Variants in ATP2B1 observed in about 807,000 individuals in gnomAD.
The protein encoded by ATP2B1 is ATPase plasma membrane Ca2+ transporting 1.
Under a neutral mutation model 124.2 loss-of-function variants are expected in ATP2B1, and 14 were observed. That is an observed-to-expected ratio of 0.11 (90% CI 0.07 to 0.18). ATP2B1 has a LOEUF of 0.18. Ranked by LOEUF, ATP2B1 falls within the 10% of genes least tolerant of loss-of-function variation. The pLI is 1.00. For synonymous variants in ATP2B1, 449 were observed against 492.4 expected, an observed-to-expected ratio of 0.91 and a Z score of 1.17; for missense variants, 763 against 1,466.1, an observed-to-expected ratio of 0.52 and a Z score of 7.83.
intron 1 of ATP2B1, among the ~76,000 whole-genome samples, chr12:89,707,252 C>A (rs1256359494): frequency 2.6e-5 from 4 of 152,170 alleles, no homozygotes; most frequent in African/African-American, 9.7e-5. Flanking sequence ...GGGCCACCAT[C>A]CAAAGGGTTA....
At chr12:89,686,441 C>T (rs1259606546) in intron 1 of ATP2B1, among the ~76,000 whole-genome samples, 1 of 152,118 alleles carries the variant, frequency 6.6e-6, no homozygotes, top group East Asian at 1.9e-4. Flanking sequence ...TTTGCGTACA[C>T]TCACTTTTAT....
chr12:89,610,869 C>A (rs1490307212), intron 13 of ATP2B1, among the ~76,000 whole-genome samples: 1 of 152,074 alleles, frequency 6.6e-6, no homozygotes, highest in Non-Finnish European at 1.5e-5. Flanking sequence ...GTTTGGGGCC[C>A]CCTAAAATAT....
intron 19 of ATP2B1, among the ~76,000 whole-genome samples, chr12:89,600,648 A>AT (rs397850977): frequency 0.013 from 1,851 of 139,984 alleles, 31 homozygotes; most frequent in African/African-American, 0.042. Flanking sequence ...ATGACAATGT[A>AT]TTTTTTTTTT....
intron 1 of ATP2B1, among the ~76,000 whole-genome samples, chr12:89,674,770 T>C (rs1161253473): frequency 6.6e-6 from 1 of 152,198 alleles, no homozygotes; most frequent in African/African-American, 2.4e-5. Flanking sequence ...ACCCAGTCAG[T>C]GTGGTTTGCT....
intron 9 of ATP2B1, among the ~76,000 whole-genome samples, chr12:89,623,845 C>T: frequency 6.6e-6 from 1 of 152,068 alleles, no homozygotes; most frequent in South Asian, 2.1e-4. Context: ...AAACATTAGC[C>T]TAACACGCTC....
intron 1 of ATP2B1, among the ~76,000 whole-genome samples, chr12:89,698,272 C>G (rs182612823): frequency 6.6e-6 from 1 of 152,274 alleles, no homozygotes; most frequent in East Asian, 1.9e-4. Flanking sequence ...GGCGAACGGA[C>G]AAATTGTGGT....
intron 2 of ATP2B1, among the ~76,000 whole-genome samples, chr12:89,654,384 C>T (rs1206598926): frequency 2.0e-5 from 3 of 152,126 alleles, no homozygotes; most frequent in Non-Finnish European, 4.4e-5. Context: ...CCAACTACAT[C>T]AAAATGGTGT....
At chr12:89,697,950 A>T (rs911569628) in intron 1 of ATP2B1, among the ~76,000 whole-genome samples, 1 of 152,012 alleles carries the variant, frequency 6.6e-6, no homozygotes, top group Non-Finnish European at 1.5e-5. Context: ...ATCTCAGCTC[A>T]CTACCTCCGC....
chr12:89,676,755 A>C (rs1433714662), intron 1 of ATP2B1, among the ~76,000 whole-genome samples: 1 of 152,140 alleles, frequency 6.6e-6, no homozygotes, highest in African/African-American at 2.4e-5. Flanking sequence ...TATTCATTTT[A>C]TAGCTGTGCC....
chr12:89,654,620 C>T, intron 2 of ATP2B1, among the ~76,000 whole-genome samples: 1 of 152,030 alleles, frequency 6.6e-6, no homozygotes, highest in East Asian at 1.9e-4. Flanking sequence ...ATTAACAATT[C>T]ACAATGAATT....
chr12:89,624,330 A>C lies in ATP2B1; in HGVS notation c.1197T>G (p.Val399=). 6.2e-7 allele frequency: 1 copy of C among 1,614,186 alleles called. No individual in the cohort carries two copies. Among genetic ancestry groups the C allele is most frequent in the Non-Finnish European group, 8.5e-7 (1 of 1,180,006 alleles). ...VLYFVIDTFW[V]QKRPWLAECT... ...ACTCAGCAAGCCATGGTCTTTTCTG[A>C]ACCCAGAAGGTGTCAATGACAAAAT... The change falls in exon 9 of 21, where the codon GTT becomes GTG. Residue 399 remains valine (V), a synonymous_variant. Coordinates refer to ENST00000428670, the MANE Select transcript of ATP2B1 (RefSeq NM_001366521.1).
chr12:89,708,438 C>G (rs1198855522), intron 1 of ATP2B1, among the ~76,000 whole-genome samples, 158 bp downstream of exon 1: 1 of 152,130 alleles, frequency 6.6e-6, no homozygotes. Context: ...GGGCCCCGAC[C>G]GCCCCCGTCA....
chr12:89,675,325 GTA>G (rs1417696908), intron 1 of ATP2B1, among the ~76,000 whole-genome samples: 1 of 152,118 alleles, frequency 6.6e-6, no homozygotes, highest in East Asian at 1.9e-4. Flanking sequence ...AAATTTAACA[GTA>G]TAGAGAGAAT....
chr12:89,673,388 C>T (rs1367296631), intron 1 of ATP2B1, among the ~76,000 whole-genome samples: 2 of 152,182 alleles, frequency 1.3e-5, no homozygotes, highest in African/African-American at 4.8e-5. Flanking sequence ...AAAGTATCCA[C>T]CACTTAAATA....
chr12:89,665,818 T>A (rs1045880302), intron 1 of ATP2B1, among the ~76,000 whole-genome samples: 1 of 152,198 alleles, frequency 6.6e-6, no homozygotes. Context: ...CACAAGAACC[T>A]ACACTTACAT....
intron 1 of ATP2B1, among the ~76,000 whole-genome samples, chr12:89,690,147 G>A (rs934192792): frequency 6.6e-6 from 1 of 152,082 alleles, no homozygotes; most frequent in East Asian, 1.9e-4. Context: ...AGCAATAACA[G>A]ATATTTCAAA....
chr12:89,591,934 G>A (rs1352281826), intron 20 of ATP2B1, among the ~76,000 whole-genome samples: 1 of 152,010 alleles, frequency 6.6e-6, no homozygotes, highest in Admixed American at 6.6e-5. Flanking sequence ...AAGTTTTAGT[G>A]TTTTTCTCTG....
At chr12:89,651,930 T>C (rs1038355436) in intron 2 of ATP2B1, among the ~76,000 whole-genome samples, 10 of 152,184 alleles carry the variant, frequency 6.6e-5, no homozygotes, top group Admixed American at 1.3e-4. Flanking sequence ...TAATAGCCAA[T>C]ATGGCACAAA....
chr12:89,624,685 C>T (rs1027492836), intron 8 of ATP2B1, among the ~76,000 whole-genome samples: 1 of 152,084 alleles, frequency 6.6e-6, no homozygotes, highest in African/African-American at 2.4e-5. Context: ...AAATAATACG[C>T]AATGATAAGG....
Sources: gnomAD v4.1 joint callset for allele counts (sites outside exome capture counted in the v4.1 genomes callset) on GRCh38, gnomAD v4.1.1 for gene constraint, MANE v1.5 for transcripts, NCBI Gene and HGNC (gene_info 2026-07-23, HGNC 2026-07-21) for gene names.